Variants in ATIC observed in about 807,000 individuals in gnomAD.
The protein encoded by ATIC is 5-aminoimidazole-4-carboxamide ribonucleotide formyltransferase/IMP cyclohydrolase.
In ATIC, 64 loss-of-function variants were observed where a neutral mutation model predicts 72.5. The ratio of observed to expected loss-of-function variants is 0.88; its 90% CI spans 0.72 to 1.09. The LOEUF (loss-of-function observed/expected upper bound fraction) is 1.09, where lower values mean the gene tolerates loss of function less well. Among genes scored for constraint, ATIC ranks in the 50% least tolerant of loss-of-function variants. The pLI is 0.00. For synonymous variants in ATIC, 281 were observed against 267.1 expected (o/e 1.05, Z -0.51); for missense variants, 787 against 732.4 (o/e 1.07, Z -0.86).
rs2052917233 is a variant in ATIC at position 215,333,415 on chromosome 2, A to G, written c.880A>G (p.Lys294Glu). ...AGTCTGCATGGTTTATGATCTCTAT[A>G]AAACCCTCACACCCATCTCAGCGGC... ...AKVCMVYDLYKTLTPISAAYA... is the reference protein window; with the variant it reads ...AKVCMVYDLYETLTPISAAYA... Residue 294 changes from lysine to glutamate, a missense_variant, in exon 9 of 16, where the codon AAA becomes GAA. Transcript: ENST00000236959. 2 of 1,614,156 alleles carry G rather than the reference A, an allele frequency of 1.2e-6. No homozygotes were observed. The highest frequency in any genetic ancestry group is 1.7e-6 in the Non-Finnish European group (2 of 1,180,024).
chr2:215,348,710 C>T (rs999550441), intron 14 of ATIC: 1 of 403,416 alleles, frequency 2.5e-6, no homozygotes, highest in African/African-American at 2.2e-5. Flanking sequence ...TGCCTATAAT[C>T]CCAGCACTTT....
At chr2:215,364,962 C>A in the ATIC span, 1 of 1,580,046 alleles carries the variant, frequency 6.3e-7, no homozygotes. Flanking sequence ...TATGTCTTCC[C>A]ATCATCATAA....
intron 9 of ATIC, among the ~76,000 whole-genome samples, chr2:215,333,929 G>A (rs912336266): frequency 7.9e-5 from 12 of 151,466 alleles, no homozygotes; most frequent in Non-Finnish European, 1.5e-4. Context: ...GTAGTCCCAG[G>A]TACTCAGGAG....
intron 5 of ATIC, 25 bp downstream of exon 5, chr2:215,325,354 A>G (rs1162619757): frequency 1.3e-6 from 2 of 1,520,522 alleles, no homozygotes; most frequent in Non-Finnish European, 1.8e-6. Flanking sequence ...CCATTTTAGA[A>G]GACTGAGAGG....
the ATIC span, chr2:215,361,221 T>A: frequency 3.4e-6 from 1 of 295,546 alleles, no homozygotes; most frequent in African/African-American, 2.2e-5. Flanking sequence ...TTTGGTCATA[T>A]CATTTCAAAA....
chr2:215,340,807 GCCAATTTAC>G (rs1339335823), intron 12 of ATIC, among the ~76,000 whole-genome samples: 2 of 152,120 alleles, frequency 1.3e-5, no homozygotes, highest in African/African-American at 4.8e-5. Context: ...GTTGTGCTCA[GCCAATTTAC>G]CTTTAGTTTA....
At chr2:215,351,806 A>T (rs1406781433), downstream of ATIC, among the ~76,000 whole-genome samples, 2 of 152,224 alleles carry the variant, frequency 1.3e-5, no homozygotes, top group African/African-American at 2.4e-5. Context: ...ATGGGAATAA[A>T]ATAGTAACTA....
At chr2:215,330,226 A>G (rs551799101) in intron 7 of ATIC, among the ~76,000 whole-genome samples, 10 of 152,168 alleles carry the variant, frequency 6.6e-5, no homozygotes, top group East Asian at 1.9e-4. Flanking sequence ...TTTTACTTCT[A>G]TTGTTTACTA....
At chr2:215,364,509 T>C in the ATIC span, 11 of 333,806 alleles carry the variant, frequency 3.3e-5, no homozygotes, top group Non-Finnish European at 5.8e-5. Flanking sequence ...TTAATTTGAA[T>C]AGTATCTCTG....
At chr2:215,328,050 T>C (rs1299332466) in intron 7 of ATIC, among the ~76,000 whole-genome samples, 2 of 151,816 alleles carry the variant, frequency 1.3e-5, no homozygotes, top group African/African-American at 4.8e-5. Context: ...GTTTTTCTGT[T>C]TTTAGTAGAG....
intron 14 of ATIC, chr2:215,347,724 G>A (rs1463849446): frequency 2.1e-6 from 1 of 473,954 alleles, no homozygotes; most frequent in African/African-American, 2.0e-5. Flanking sequence ...GGATTTTTCT[G>A]TTTGATATTA....
chr2:215,320,140 A>G (rs778329781), intron 4 of ATIC, among the ~76,000 whole-genome samples: 1 of 152,150 alleles, frequency 6.6e-6, no homozygotes, highest in Non-Finnish European at 1.5e-5. Flanking sequence ...AGCATTTCAG[A>G]TTTCAGGTTT....
At position 215,326,066 on chromosome 2, in the gene ATIC, G is replaced by T. The variant is rs186545891; in HGVS notation, c.459G>T (p.Val153=). 3 of 1,614,120 alleles carry T rather than the reference G, an allele frequency of 1.9e-6. No homozygotes were observed. Among genetic ancestry groups the T allele is most frequent in the Middle Eastern group, 1.6e-4 (1 of 6,062 alleles). ...TGTGTGAACCAGAGGACTATGTGGTGGTGTCCACGGAGATGCAGAGCTCCG... is the reference window on the plus strand; with the variant it reads ...TGTGTGAACCAGAGGACTATGTGGTTGTGTCCACGGAGATGCAGAGCTCCG... The part of the protein sequence containing the change: ...TVVCEPEDYV[V]VSTEMQSSES... The change falls in exon 6 of 16, where the codon GTG becomes GTT. Residue 153 remains valine (V), a synonymous_variant. Transcript: ENST00000236959.
intron 11 of ATIC, among the ~76,000 whole-genome samples, chr2:215,336,806 A>G (rs762250414): frequency 4.6e-5 from 7 of 152,336 alleles, no homozygotes; most frequent in Non-Finnish European, 8.8e-5. Flanking sequence ...AACAAGCTCT[A>G]TGTATATTGG....
At chr2:215,318,022 A>G (rs1298688728) in intron 2 of ATIC, 135 bp from the exon 3 acceptor site, 19 of 774,400 alleles carry the variant, frequency 2.5e-5, no homozygotes, top group Non-Finnish European at 4.0e-5. Flanking sequence ...ATATAGTGAA[A>G]TACTTTAAAA....
chr2:215,325,291 G>A lies in ATIC; in HGVS notation c.341G>A (p.Gly114Asp), dbSNP rs753100430. The A allele has an allele frequency of 4.2e-5, 67 of 1,613,812 alleles. 1 individual carries two copies. In the South Asian group the frequency reaches 7.1e-4, roughly 17 times the overall value. The change falls in exon 5 of 16, where the codon GGT (glycine) becomes GAT (aspartate). Residue 114 changes from glycine to aspartate, a missense_variant. Gly to Asp is a moderately conservative substitution (Grantham distance 94). Coordinates refer to ENST00000236959, the MANE Select transcript of ATIC (RefSeq NM_004044.7). ...TTTGTAAAGACAGTGGCTTCTCCAG[G>A]TGTAACTGTTGAGGAGGCTGTGGAG... ...YPFVKTVASP[G>D]VTVEEAVEQI... is the part of the protein sequence containing the mutation.
the ATIC span, chr2:215,364,961 CCAT>C: frequency 3.8e-6 from 6 of 1,580,122 alleles, no homozygotes; most frequent in African/African-American, 1.3e-5. Context: ...GTATGTCTTC[CCAT>C]CATCATAACA....
chr2:215,361,972 G>A, the ATIC span: 24 of 1,612,976 alleles, frequency 1.5e-5, no homozygotes, highest in South Asian at 2.4e-4. Context: ...CACTTACAGT[G>A]TTTGTTCTCT....
At chr2:215,319,833 T>A (rs919217607) in intron 4 of ATIC, 102 bp downstream of exon 4, 3 of 945,844 alleles carry the variant, frequency 3.2e-6, no homozygotes, top group Admixed American at 4.0e-5. Context: ...AAACCTTTAC[T>A]GCGTACCTTC....
Sources: allele counts gnomAD v4.1 joint callset (sites outside exome capture counted in the v4.1 genomes callset), GRCh38; gene constraint gnomAD v4.1.1; transcripts MANE v1.5; gene names NCBI Gene and HGNC (gene_info 2026-07-23, HGNC 2026-07-21).